The following HERC5 variants were observed in gnomAD, a reference collection of about 807,000 sequenced individuals.
The protein encoded by HERC5 is E3 ISG15--protein ligase HERC5.
Under a neutral mutation model 119.6 loss-of-function variants are expected in HERC5, and 99 were observed. That is an observed-to-expected ratio of 0.83 (90% CI 0.70 to 0.98). HERC5 has a LOEUF of 0.98. Ranked by LOEUF, HERC5 falls within the 50% of genes least tolerant of loss-of-function variation. The probability of loss-of-function intolerance (pLI) is 0.00; values close to 1 mark genes in which losing one functional copy is unlikely to be tolerated. For synonymous variants in HERC5, 478 were observed against 445.9 expected (o/e 1.07, Z -0.91); for missense variants, 1,267 against 1,241.3 (o/e 1.02, Z -0.31).
chr4:88,464,109 A>G (rs1740555522), intron 6 of HERC5, 124 bp downstream of exon 6: 4 of 695,634 alleles, frequency 5.8e-6, no homozygotes, highest in East Asian at 3.1e-5. Flanking sequence ...GAAAATGCTT[A>G]ATTTATATTA....
chr4:88,476,740 A>G, intron 12 of HERC5, among the ~76,000 whole-genome samples: 1 of 151,768 alleles, frequency 6.6e-6, no homozygotes, highest in Non-Finnish European at 1.5e-5. Flanking sequence ...GGCCAACATG[A>G]CAAAACCCTG....
intron 11 of HERC5, chr4:88,473,399 ACCCTTCCTC>A (rs1740945050): frequency 6.7e-6 from 1 of 149,092 alleles, no homozygotes; most frequent in African/African-American, 2.5e-5. Flanking sequence ...TTGATCTCTC[ACCCTTCCTC>A]CTTTCAGCTC....
In HERC5 at chr4:88,469,137, A is replaced by T; in HGVS notation, c.1135-20A>T. 1 of 1,523,156 alleles carries T rather than the reference A, an allele frequency of 6.6e-7. No individual in the cohort carries two copies. Among genetic ancestry groups the T allele is most frequent in the Non-Finnish European group, 9.1e-7 (1 of 1,098,952 alleles). The allele number at this position is 1,523,156 out of a possible 1,614,324, so 94.4% of individuals were successfully genotyped here. ...TGATGTGTCTAAATTATTGTATTTT[A>T]CTTTCCTGTTTGTTTACAGAATTCA... is the stretch of plus-strand genomic sequence containing the variant. On this transcript the variant is annotated intron_variant, in intron 8 of 22. Coordinates refer to ENST00000264350, the MANE Select transcript of HERC5 (RefSeq NM_016323.4).
At chr4:88,486,052 A>G in intron 13 of HERC5, 63 bp from the exon 14 acceptor site, 9 of 870,448 alleles carry the variant, frequency 1.0e-5, no homozygotes, top group Non-Finnish European at 1.7e-5. Flanking sequence ...AATCTAATTA[A>G]CAGCTATTAA....
intron 1 of HERC5, 125 bp from the exon 2 acceptor site, chr4:88,459,222 A>G (rs1740316993): frequency 2.8e-6 from 2 of 717,732 alleles, no homozygotes; most frequent in Non-Finnish European, 4.2e-6. Flanking sequence ...AGAGAAGTTC[A>G]TGGTAAGTCA....
At position 88,457,138 on chromosome 4, in the gene HERC5, C is replaced by T. The variant is rs543093425; in HGVS notation, c.-132C>T. 2.4e-6 allele frequency: 3 copies of T among 1,231,992 alleles called. No homozygotes were observed. The highest frequency in any genetic ancestry group is 3.1e-4 in the Middle Eastern group (1 of 3,202). 76.3% of individuals were successfully genotyped at this position (1,231,992 alleles called of 1,614,324 possible). ...GGGCTCAGTAGCTGAGGCTGCGGTT[C>T]CCCGACGCCACGCAGCTGCGCGCAG... On this transcript the variant is annotated 5_prime_UTR_variant, in exon 1 of 23. Coordinates refer to ENST00000264350, the MANE Select transcript of HERC5 (RefSeq NM_016323.4).
chr4:88,485,671 C>T (rs1326987521), intron 13 of HERC5, among the ~76,000 whole-genome samples: 1 of 151,980 alleles, frequency 6.6e-6, no homozygotes, highest in African/African-American at 2.4e-5. Flanking sequence ...TCATAATAAC[C>T]CTGATCATAT....
intron 12 of HERC5, among the ~76,000 whole-genome samples, chr4:88,477,546 T>G (rs1454400782): frequency 7.4e-4 from 25 of 33,764 alleles, no homozygotes; most frequent in Admixed American, 1.3e-3. Context: ...GAAGGGGAAG[T>G]GGGGGAGGGG....
chr4:88,497,955 T>A (rs1218858624), intron 18 of HERC5, among the ~76,000 whole-genome samples: 2 of 152,160 alleles, frequency 1.3e-5, no homozygotes, highest in East Asian at 3.9e-4. Flanking sequence ...ACATTTGATG[T>A]CCAGCGCTGC....
intron 18 of HERC5, among the ~76,000 whole-genome samples, chr4:88,497,181 G>A (rs1306536866): frequency 6.6e-6 from 1 of 152,210 alleles, no homozygotes; most frequent in Non-Finnish European, 1.5e-5. Flanking sequence ...AAGAAGTGTG[G>A]TGTTGGAAGC....
At chr4:88,481,554 G>A (rs1041899833) in intron 13 of HERC5, among the ~76,000 whole-genome samples, 2 of 152,050 alleles carry the variant, frequency 1.3e-5, no homozygotes, top group African/African-American at 4.8e-5. Context: ...TACTCCTTGT[G>A]TCTTGTTTTA....
At chr4:88,470,694 A>C in intron 10 of HERC5, 21 bp downstream of exon 10, 4 of 1,003,644 alleles carry the variant, frequency 4.0e-6, no homozygotes, top group Non-Finnish European at 6.2e-6. Flanking sequence ...TAATAAATTA[A>C]TTGTATTAAA....
rs778341896 is a variant in HERC5, at chr4:88,469,165, T to C, written c.1143T>C (p.Tyr381=). The C allele has an allele frequency of 3.1e-6, 5 of 1,603,384 alleles. No homozygotes were observed. The highest frequency in any genetic ancestry group is 1.7e-5 in the Admixed American group (1 of 59,428). Residue 381 remains tyrosine (Y), a synonymous_variant, in exon 9 of 23, where the codon TAT becomes TAC. Transcript: ENST00000264350. ...ILLWIKKENS[Y]VNLKRTIPTL... ...TTCCTGTTTGTTTACAGAATTCATA[T>C]GTTAATCTGAAGAGGACAATTCCTA... is the stretch of plus-strand genomic sequence containing the variant.
intron 10 of HERC5, among the ~76,000 whole-genome samples, chr4:88,471,813 T>C (rs1042910259): frequency 4.6e-5 from 7 of 152,314 alleles, no homozygotes; most frequent in Admixed American, 4.6e-4. Context: ...ATGTATTTTT[T>C]AGAAATGGGA....
intron 17 of HERC5, among the ~76,000 whole-genome samples, 154 bp from the exon 18 acceptor site, chr4:88,494,011 C>G (rs1433708176): frequency 6.7e-6 from 1 of 149,282 alleles, no homozygotes; most frequent in Non-Finnish European, 1.5e-5. Flanking sequence ...TTGCACCAAC[C>G]TAATATAAAC....
intron 19 of HERC5, 26 bp from the exon 20 acceptor site, chr4:88,500,889 T>C (rs372766151): frequency 6.5e-7 from 1 of 1,541,490 alleles, no homozygotes; most frequent in East Asian, 2.3e-5. Context: ...GTTGGAGATA[T>C]TATCTGAGTT....
In HERC5 at chr4:88,499,953, A is replaced by T. The variant is rs201957323; in HGVS notation, c.2472A>T (p.Glu824Asp). 9 of 1,608,810 alleles carry T rather than the reference A, an allele frequency of 5.6e-6. No individual in the cohort carries two copies. The highest frequency in any genetic ancestry group is 6.8e-6 in the Non-Finnish European group (8 of 1,175,534). Residue 824 changes from glutamate (E) to aspartate (D), a missense_variant, in exon 19 of 23, where the codon GAA becomes GAT. By Grantham distance (45) the Glu-to-Asp change is conservative. Coordinates refer to ENST00000264350, the MANE Select transcript of HERC5 (RefSeq NM_016323.4). ...ATTTGCAAACACTTCTGGATGATGA[A>T]GGTGATAACTTTGAGGAAGTATTTT... Reference protein sequence around the residue: ...GKNLQTLLDDEGDNFEEVFYI... With the variant: ...GKNLQTLLDDDGDNFEEVFYI...
At chr4:88,499,748 G>C (rs992789674) in intron 18 of HERC5, among the ~76,000 whole-genome samples, 178 bp from the exon 19 acceptor site, 1 of 152,208 alleles carries the variant, frequency 6.6e-6, no homozygotes, top group African/African-American at 2.4e-5. Context: ...TCTTAAATTT[G>C]ACATGTTTAG....
intron 16 of HERC5, among the ~76,000 whole-genome samples, chr4:88,491,165 C>T (rs1479505190): frequency 6.6e-6 from 1 of 152,126 alleles, no homozygotes; most frequent in Non-Finnish European, 1.5e-5. Flanking sequence ...AAGGGTTTGA[C>T]ACCTGGTCTT....
Sources: allele counts gnomAD v4.1 joint callset (sites outside exome capture counted in the v4.1 genomes callset), GRCh38; gene constraint gnomAD v4.1.1; transcripts MANE v1.5; gene names NCBI Gene and HGNC (gene_info 2026-07-23, HGNC 2026-07-21).